The following ESYT3 variants were observed in gnomAD, a reference collection of about 807,000 sequenced individuals.
ESYT3 encodes extended synaptotagmin-3.
Under a neutral mutation model 111.5 loss-of-function variants are expected in ESYT3, and 101 were observed. The ratio of observed to expected loss-of-function variants is 0.91; its 90% CI spans 0.77 to 1.07. The LOEUF is 1.07. ESYT3 is among the 50% of genes least tolerant of loss of function. ESYT3 has a pLI of 0.00. For missense variants in ESYT3, 1,097 were observed against 1,109.4 expected, an observed-to-expected ratio of 0.99 and a Z score of 0.16; for synonymous variants, 416 against 446.8, an observed-to-expected ratio of 0.93 and a Z score of 0.87.
rs1268939288 is a variant in ESYT3 at position 138,434,795 on chromosome 3, C to T, written c.-4C>T. The stretch of plus-strand genomic sequence containing the variant: ...CTCGGGAAGGGCAAGACTGCGGCGA[C>T]GAGATGCGAGCAGAGGAGCCCTGCG... On this transcript the variant is annotated 5_prime_UTR_variant, in exon 1 of 23. The change creates a new upstream start codon in the 5' untranslated region. Coordinates refer to ENST00000389567, the MANE Select transcript of ESYT3 (RefSeq NM_031913.5). 2 of 1,544,614 alleles carry T rather than the reference C, an allele frequency of 1.3e-6. No individual in the cohort carries two copies. Among genetic ancestry groups the T allele is most frequent in the South Asian group, 2.4e-5 (2 of 82,018 alleles).
intron 14 of ESYT3, 74 bp downstream of exon 14, chr3:138,468,955 A>C: frequency 6.8e-7 from 1 of 1,465,348 alleles, no homozygotes; most frequent in Non-Finnish European, 9.6e-7. Flanking sequence ...CCACAACCCC[A>C]TGTCTTCTGG....
At chr3:138,470,452 C>T (rs2108626987) in intron 16 of ESYT3, 1 of 1,107,576 alleles carries the variant, frequency 9.0e-7, no homozygotes, top group Non-Finnish European at 1.1e-6. Context: ...TAATGGTGTA[C>T]TTTAAAAAAT....
chr3:138,469,977 T>C, intron 15 of ESYT3, 83 bp from the exon 16 acceptor site: 5 of 1,199,902 alleles, frequency 4.2e-6, no homozygotes, highest in Non-Finnish European at 6.0e-6. Flanking sequence ...TGGTACCTGG[T>C]GGCCAGAGTG....
Position 138,464,406 on chromosome 3 carries a change from GGCTCC to G in ESYT3, c.979_983del (p.Leu327ArgfsTer19). The G allele has an allele frequency of 1.2e-6, 2 of 1,614,158 alleles. No homozygotes were observed. Among genetic ancestry groups the G allele is most frequent in the Non-Finnish European group, 1.7e-6 (2 of 1,180,006 alleles). ...CTGGCCCAGAAGGACAACTTTCTGG[GGCTCC>G]GAGGCAAGTCAGATCCCTACGCCAA... On this transcript the variant is annotated frameshift_variant, in exon 9 of 23. Coordinates refer to ENST00000389567, the MANE Select transcript of ESYT3 (RefSeq NM_031913.5). LOFTEE classifies it high-confidence loss of function.
intron 6 of ESYT3, among the ~76,000 whole-genome samples, 173 bp from the exon 7 acceptor site, chr3:138,460,438 G>A (rs2032562198): frequency 2.6e-5 from 4 of 152,192 alleles, no homozygotes; most frequent in Admixed American, 2.6e-4. Context: ...GGGCTGGGGG[G>A]TGGCCTCGCC....
chr3:138,455,686 C>T (rs142261110), intron 3 of ESYT3, among the ~76,000 whole-genome samples: 3 of 152,322 alleles, frequency 2.0e-5, no homozygotes, highest in East Asian at 3.9e-4. Context: ...ACCTCAGAGC[C>T]GGTGAACACA....
chr3:138,468,872 G>C lies in ESYT3; in HGVS notation c.1425G>C (p.Arg475Ser), dbSNP rs373331317. Residue 475 changes from arginine to serine, a missense_variant, in exon 14 of 23, where the codon AGG (arginine) becomes AGC (serine). By Grantham distance (110) the Arg-to-Ser change is moderately radical (BLOSUM62 -1). Coordinates refer to ENST00000389567, the MANE Select transcript of ESYT3 (RefSeq NM_031913.5). ...NGEYRAKKLS[R>S]FARNKVSKDP... Reference sequence around the variant, plus strand: ...AATATCGAGCCAAAAAACTCTCCAGGTTTGCCAGAGTGAGTGAGTATGTGG... The same window carrying C: ...AATATCGAGCCAAAAAACTCTCCAGCTTTGCCAGAGTGAGTGAGTATGTGG... 1.9e-6 allele frequency: 3 copies of C among 1,614,080 alleles called. No homozygotes were observed. The highest frequency in any genetic ancestry group is 1.3e-5 in the African/African-American group (1 of 74,922).
intron 2 of ESYT3, 82 bp downstream of exon 2, chr3:138,452,171 G>C: frequency 7.1e-7 from 1 of 1,413,436 alleles, no homozygotes; most frequent in Non-Finnish European, 9.7e-7. Flanking sequence ...ACAGCCTGAT[G>C]GGGGCCTCGC....
chr3:138,464,906 G>A (rs944504828), intron 9 of ESYT3, among the ~76,000 whole-genome samples: 4 of 152,176 alleles, frequency 2.6e-5, no homozygotes, highest in Non-Finnish European at 5.9e-5. Flanking sequence ...CAGATTACAC[G>A]CTCCAGGAGC....
chr3:138,477,815 C>G lies in ESYT3; in HGVS notation c.*961C>G, dbSNP rs917549096. On this transcript the variant is annotated 3_prime_UTR_variant, in exon 23 of 23. Coordinates refer to ENST00000389567, the MANE Select transcript of ESYT3 (RefSeq NM_031913.5). ...TATACTTCTCATCCCCTCCAACATT[C>G]CTGGACCTCCTCTTCTCTCTTACCA... 3.9e-5 allele frequency: 6 copies of G among 152,214 alleles called. No homozygotes were observed. The highest frequency in any genetic ancestry group is 7.3e-5 in the Non-Finnish European group (5 of 68,040). 9.4% of individuals were successfully genotyped at this position (152,214 alleles called of 1,614,324 possible). A position where few individuals can be genotyped will look rare whatever the true frequency, so the allele number is the denominator to read the frequency against.
chr3:138,455,295 C>T lies in ESYT3; in HGVS notation c.471C>T (p.Thr157=). ...GAGAGAAGAGCATCCACCTGAGGAC[C>T]TTTACCTTTACCAAGCTCTACTTTG... ...KIREKSIHLR[T]FTFTKLYFGQ... Residue 157 remains threonine, a synonymous_variant, in exon 3 of 23, where the codon ACC becomes ACT. Transcript: ENST00000389567. 1 of 1,614,132 alleles carries T rather than the reference C, an allele frequency of 6.2e-7. No individual in the cohort carries two copies.
intron 1 of ESYT3, among the ~76,000 whole-genome samples, chr3:138,447,682 C>T (rs2031633769): frequency 6.6e-6 from 1 of 151,990 alleles, no homozygotes; most frequent in African/African-American, 2.4e-5. Flanking sequence ...CAAAGTTGCC[C>T]AGAAAATGAA....
In ESYT3 at chr3:138,441,944, C is replaced by G. The variant is rs142148046; in HGVS notation, c.327+6819C>G. 3.3e-5 allele frequency among the ~76,000 whole-genome samples: 5 copies of G among 151,900 alleles called. No individual in the cohort carries two copies. The East Asian group carries it at 9.7e-4, about 29-fold the overall frequency. On this transcript the variant is annotated intron_variant, in intron 1 of 22. Transcript: ENST00000389567. ...GCCCTATCTCTGTGGGAGGGCAGGC[C>G]GAGAAGCCCTGTGCCAGTGTCATGA...
At chr3:138,456,167 T>C (rs942507624) in intron 3 of ESYT3, among the ~76,000 whole-genome samples, 1 of 152,264 alleles carries the variant, frequency 6.6e-6, no homozygotes, top group Non-Finnish European at 1.5e-5. Flanking sequence ...CAAACTGGCT[T>C]GTGCCAGCAT....
Position 138,455,234 on chromosome 3 carries a change from A to G in ESYT3, c.410A>G (p.Glu137Gly). ...QTWPYLSMIM[E>G]SKFREKLEPK... is the part of the protein sequence containing the mutation. ...TGGCCCTACCTAAGCATGATCATGG[A>G]AAGCAAGTTCCGGGAGAAACTTGAG... is the stretch of plus-strand genomic sequence containing the variant. Residue 137 changes from glutamate to glycine, a missense_variant, in exon 3 of 23, where the codon GAA becomes GGA. Transcript: ENST00000389567. 1 of 1,614,202 alleles carries G rather than the reference A, an allele frequency of 6.2e-7. No homozygotes were observed. Among genetic ancestry groups the G allele is most frequent in the Non-Finnish European group, 8.5e-7 (1 of 1,180,032 alleles).
chr3:138,472,374 G>A lies in ESYT3; in HGVS notation c.1752G>A (p.Val584=), dbSNP rs534202511. The change falls in exon 18 of 23, where the codon GTG becomes GTA. Residue 584 remains valine, a synonymous_variant. Coordinates refer to ENST00000389567, the MANE Select transcript of ESYT3 (RefSeq NM_031913.5). The part of the protein sequence containing the change: ...SMRLVLRFLQ[V]EERELGSPYT... ...TTATCTGCTTGCAGTTCCTGCAAGT[G>A]GAGGAACGAGAGCTGGGGAGCCCAT... is the stretch of plus-strand genomic sequence containing the variant. 9.9e-6 allele frequency: 16 copies of A among 1,613,314 alleles called. No individual in the cohort carries two copies. The highest frequency in any genetic ancestry group is 1.3e-5 in the African/African-American group (1 of 74,902).
At chr3:138,439,158 C>A (rs1025525635) in intron 1 of ESYT3, among the ~76,000 whole-genome samples, 2 of 152,208 alleles carry the variant, frequency 1.3e-5, no homozygotes, top group African/African-American at 4.8e-5. Context: ...TGAAAAGCTG[C>A]TTGCACAGAG....
chr3:138,447,871 A>C (rs1460366223), intron 1 of ESYT3, among the ~76,000 whole-genome samples: 2 of 150,570 alleles, frequency 1.3e-5, no homozygotes, highest in Non-Finnish European at 2.9e-5. Context: ...TTGAAATCTC[A>C]GGAGGATTTT....
At chr3:138,460,497 C>A in intron 6 of ESYT3, 114 bp from the exon 7 acceptor site, 1 of 1,181,394 alleles carries the variant, frequency 8.5e-7, no homozygotes, top group Non-Finnish European at 1.3e-6. Context: ...CTCCGAACCC[C>A]CACCCTGGAA....
Sources: allele counts gnomAD v4.1 joint callset (sites outside exome capture counted in the v4.1 genomes callset), GRCh38; gene constraint gnomAD v4.1.1; transcripts MANE v1.5; gene names NCBI Gene and HGNC (gene_info 2026-07-23, HGNC 2026-07-21).